PUM1: variants seen among roughly 807,000 people sequenced by gnomAD.
The protein encoded by PUM1 is pumilio homolog 1.
PUM1 carries 13 observed loss-of-function variants against 131.8 expected under a neutral mutation model. The observed-to-expected ratio is 0.10, with a 90% confidence interval of 0.06 to 0.16. The LOEUF (loss-of-function observed/expected upper bound fraction) is 0.16. PUM1 is among the 10% of genes least tolerant of loss of function. The probability of loss-of-function intolerance (pLI) is 1.00; values close to 1 mark genes in which losing one functional copy is unlikely to be tolerated. For missense variants in PUM1, 961 were observed against 1,512.4 expected (o/e 0.64, Z 6.05); for synonymous variants, 509 against 556.5 (o/e 0.91, Z 1.20).
chr1:30,976,309 T>C (rs1641136210), intron 9 of PUM1, among the ~76,000 whole-genome samples: 1 of 152,160 alleles, frequency 6.6e-6, no homozygotes, highest in East Asian at 1.9e-4. Context: ...AACCAGGAAA[T>C]GGGCTCAAAG....
intron 2 of PUM1, among the ~76,000 whole-genome samples, chr1:31,047,490 TTAAAG>T (rs1467879477): frequency 1.5e-4 from 23 of 152,246 alleles, no homozygotes; most frequent in African/African-American, 5.3e-4. Flanking sequence ...ATTCTAATTG[TTAAAG>T]TATTCTTTCC....
Position 31,038,975 on chromosome 1 carries a change from TA to T in PUM1, c.364-10112del, listed in dbSNP as rs1308031693. On this transcript the variant is annotated intron_variant, in intron 2 of 21. Coordinates refer to ENST00000426105, the MANE Select transcript of PUM1 (RefSeq NM_001020658.2). Reference sequence around the variant, plus strand: ...TTAAAATTTTATATATATATATATATATATATATATTTTTTTTTTTTTTTTC... The same window carrying T: ...TTAAAATTTTATATATATATATATATTATATATATTTTTTTTTTTTTTTTC... Among the ~76,000 whole-genome samples the T allele has an allele frequency of 4.1e-4, 15 of 36,872 alleles. 1 individual carries two copies. Among genetic ancestry groups the T allele is most frequent in the Middle Eastern group, 0.012 (1 of 82 alleles). The allele number at this position is 36,872 out of a possible 152,430, so 24.2% of individuals were successfully genotyped here. A position where few individuals can be genotyped will look rare whatever the true frequency, so the allele number is the denominator to read the frequency against.
chr1:31,049,372 C>T (rs549778419), intron 2 of PUM1, among the ~76,000 whole-genome samples: 37 of 152,050 alleles, frequency 2.4e-4, no homozygotes, highest in Middle Eastern at 3.4e-3. Context: ...AAAAAGTAGC[C>T]GGGCATGGTA....
intron 20 of PUM1, among the ~76,000 whole-genome samples, chr1:30,938,884 T>A (rs1048148771): frequency 1.1e-5 from 1 of 88,004 alleles, no homozygotes; most frequent in Non-Finnish European, 2.4e-5. Context: ...TAGAGATAGA[T>A]AGATAGATAG....
At chr1:30,944,073 A>C (rs1428075091) in intron 18 of PUM1, among the ~76,000 whole-genome samples, 3 of 152,154 alleles carry the variant, frequency 2.0e-5, no homozygotes, top group Non-Finnish European at 4.4e-5. Flanking sequence ...TTGTTGTATA[A>C]TTCCATAAAT....
intron 2 of PUM1, among the ~76,000 whole-genome samples, chr1:31,030,712 A>G (rs1414632316): frequency 1.3e-5 from 2 of 150,898 alleles, no homozygotes; most frequent in East Asian, 3.9e-4. Context: ...GTGTCCGGAA[A>G]AAAAAAAAAG....
intron 1 of PUM1, among the ~76,000 whole-genome samples, chr1:31,062,543 C>A (rs1366394804): frequency 6.6e-6 from 1 of 151,560 alleles, no homozygotes; most frequent in Non-Finnish European, 1.5e-5. Context: ...TCGCTTGAAC[C>A]CAGGAGGCGG....
At chr1:30,976,845 A>G (rs1570180933) in intron 9 of PUM1, among the ~76,000 whole-genome samples, 1 of 152,322 alleles carries the variant, frequency 6.6e-6, no homozygotes, top group East Asian at 1.9e-4. Context: ...AAAAAAAAAA[A>G]AGAGTGATAG....
intron 6 of PUM1, among the ~76,000 whole-genome samples, 161 bp downstream of exon 6, chr1:30,994,893 C>T (rs1271075411): frequency 6.6e-6 from 1 of 152,162 alleles, no homozygotes; most frequent in Admixed American, 6.5e-5. Flanking sequence ...TTCCACCTCA[C>T]CAGTTAATTT....
Position 30,945,395 on chromosome 1 carries a change from C to T in PUM1, c.2945G>A (p.Cys982Tyr). Residue 982 changes from cysteine (C) to tyrosine (Y), a missense_variant, in exon 18 of 22, where the codon TGT becomes TAT. Cys to Tyr is a radical substitution (Grantham distance 194). This residue lies in a region of PUM1 where 178 missense variants were observed against 327.5 expected (regional missense o/e 0.54). Coordinates refer to ENST00000426105, the MANE Select transcript of PUM1 (RefSeq NM_001020658.2). Reference sequence around the variant, plus strand: ...AAATTGCAAAGACTGGGGCTGTACACATTCAATGCATTTCTGAACCACGTG... The same window carrying T: ...AAATTGCAAAGACTGGGGCTGTACATATTCAATGCATTTCTGAACCACGTG... The part of the protein sequence containing the change: ...GNHVVQKCIE[C>Y]VQPQSLQFII... 1.2e-6 allele frequency: 2 copies of T among 1,614,198 alleles called. No individual in the cohort carries two copies. The highest frequency in any genetic ancestry group is 1.7e-6 in the Non-Finnish European group (2 of 1,180,022).
chr1:31,053,755 T>C (rs1644168112), intron 2 of PUM1, among the ~76,000 whole-genome samples: 1 of 149,054 alleles, frequency 6.7e-6, no homozygotes, highest in African/African-American at 2.4e-5. Flanking sequence ...CGATTACAGG[T>C]GTGAGCCACT....
intron 14 of PUM1, among the ~76,000 whole-genome samples, chr1:30,956,552 CG>C (rs1372263856): frequency 4.6e-5 from 7 of 152,194 alleles, no homozygotes; most frequent in Non-Finnish European, 1.5e-5. Flanking sequence ...GCATGAGCCA[CG>C]GCGCCCGGCC....
intron 2 of PUM1, among the ~76,000 whole-genome samples, chr1:31,043,848 T>C (rs1303217308): frequency 6.6e-6 from 1 of 152,216 alleles, no homozygotes; most frequent in African/African-American, 2.4e-5. Context: ...GTGTAAGTTG[T>C]AGATAAACTA....
intron 2 of PUM1, among the ~76,000 whole-genome samples, chr1:31,048,955 T>C (rs950328488): frequency 6.6e-6 from 1 of 152,134 alleles, no homozygotes; most frequent in African/African-American, 2.4e-5. Context: ...CCTGTAATCC[T>C]AGTACTTTGG....
At position 31,010,817 on chromosome 1, in the gene PUM1, G is replaced by A. The variant is rs116752252; in HGVS notation, c.433-3715C>T. Among the ~76,000 whole-genome samples, 100 of 152,302 alleles carry A rather than the reference G, an allele frequency of 6.6e-4. 1 individual carries two copies. The highest frequency in any genetic ancestry group is 2.2e-3 in the African/African-American group (91 of 41,568). ...GCTTGTGAAGGACCCTGAAGCAGAT[G>A]ACTCAGGAAAGTCATGCCTAGGTTC... is the stretch of plus-strand genomic sequence containing the variant. On this transcript the variant is annotated intron_variant, in intron 3 of 21. Transcript: ENST00000426105.
intron 20 of PUM1, among the ~76,000 whole-genome samples, chr1:30,938,960 C>CAGAT (rs758118862): frequency 6.6e-6 from 1 of 151,312 alleles, no homozygotes; most frequent in Non-Finnish European, 1.5e-5. Context: ...GACAGATAGA[C>CAGAT]AGATACATAC....
intron 18 of PUM1, among the ~76,000 whole-genome samples, chr1:30,944,108 C>A (rs1043831188): frequency 6.6e-6 from 1 of 151,548 alleles, no homozygotes; most frequent in Admixed American, 6.6e-5. Flanking sequence ...TTAAGGTAAA[C>A]AGATCTACCC....
chr1:30,958,858 C>T (rs1640282812), intron 14 of PUM1, among the ~76,000 whole-genome samples: 1 of 151,978 alleles, frequency 6.6e-6, no homozygotes, highest in African/African-American at 2.4e-5. Context: ...ATAAGTCAAA[C>T]AAAATAAATA....
chr1:31,044,575 G>A (rs1250579790), intron 2 of PUM1, among the ~76,000 whole-genome samples: 1 of 152,194 alleles, frequency 6.6e-6, no homozygotes, highest in Admixed American at 6.5e-5. Flanking sequence ...ACTGGGGAGT[G>A]ACGGCTGCTG....
Sources: gnomAD v4.1 joint callset for allele counts (sites outside exome capture counted in the v4.1 genomes callset) on GRCh38, gnomAD v4.1.1 for gene constraint, gnomAD v4.1.1 regional missense constraint, MANE v1.5 for transcripts, NCBI Gene and HGNC (gene_info 2026-07-23, HGNC 2026-07-21) for gene names.